ROBO2: variants seen among roughly 807,000 people sequenced by gnomAD.
The protein encoded by ROBO2 is roundabout guidance receptor 2, also known as roundabout homolog 2.
ROBO2 carries 53 observed loss-of-function variants against 160.8 expected under a neutral mutation model. The ratio of observed to expected loss-of-function variants is 0.33; its 90% CI spans 0.26 to 0.41. ROBO2 has a LOEUF of 0.41. Ranked by LOEUF, ROBO2 falls within the 10% of genes least tolerant of loss-of-function variation. The pLI is 1.00. For missense variants in ROBO2, 1,577 were observed against 1,722.4 expected (o/e 0.92, Z 1.49); for synonymous variants, 664 against 611.7 (o/e 1.09, Z -1.26).
In ROBO2 at chr3:77,050,426, G is replaced by A. The variant is rs1158420644; in HGVS notation, c.61+9580G>A. Among the ~76,000 whole-genome samples, 11 of 152,112 alleles carry A rather than the reference G, an allele frequency of 7.2e-5. No individual in the cohort carries two copies. The East Asian group carries it at 1.9e-3, about 27-fold the overall frequency. On this transcript the variant is annotated intron_variant, in intron 1 of 25. Transcript: ENST00000461745. ...CTTACCCCATCTCTATCATGGGTTA[G>A]CGTAGAAACTGAGTAGGAGAAATGT...
chr3:77,321,795 T>C (rs552112512), intron 2 of ROBO2, among the ~76,000 whole-genome samples: 2 of 150,780 alleles, frequency 1.3e-5, no homozygotes, highest in African/African-American at 4.9e-5. Context: ...CCGAGAACTG[T>C]GCAAAGAGAT....
intron 2 of ROBO2, among the ~76,000 whole-genome samples, chr3:76,301,400 C>A (rs1024201583): frequency 2.0e-5 from 3 of 151,972 alleles, no homozygotes; most frequent in Admixed American, 6.6e-5. Flanking sequence ...TCAAAAAAAA[C>A]TGAGAATTAT....
At chr3:77,396,875 A>T (rs976071841) in intron 2 of ROBO2, among the ~76,000 whole-genome samples, 1 of 152,116 alleles carries the variant, frequency 6.6e-6, no homozygotes, top group African/African-American at 2.4e-5. Flanking sequence ...TAAGTAGAAC[A>T]ATTATTGTTT....
At chr3:77,382,345 CCTTTT>C (rs1243924399) in intron 2 of ROBO2, among the ~76,000 whole-genome samples, 4 of 61,544 alleles carry the variant, frequency 6.5e-5, no homozygotes, top group Admixed American at 1.6e-4. Context: ...AAACACATGT[CCTTTT>C]TTTTTTTTTT....
At chr3:77,017,897 C>A (rs961392928) in intron 2 of ROBO2, among the ~76,000 whole-genome samples, 1 of 151,998 alleles carries the variant, frequency 6.6e-6, no homozygotes. Context: ...TGCAATCAGA[C>A]CTTGGCAATG....
At chr3:76,079,142 G>T (rs532792012) in intron 2 of ROBO2, among the ~76,000 whole-genome samples, 3 of 152,248 alleles carry the variant, frequency 2.0e-5, no homozygotes, top group African/African-American at 7.2e-5. Context: ...ATAATAAACT[G>T]GGAAGGGTAG....
chr3:75,944,708 C>G (rs564490095), intron 2 of ROBO2, among the ~76,000 whole-genome samples: 3 of 152,262 alleles, frequency 2.0e-5, no homozygotes, highest in African/African-American at 7.2e-5. Context: ...ATCTACTTAT[C>G]AACTTTAGCA....
intron 2 of ROBO2, among the ~76,000 whole-genome samples, chr3:76,090,747 A>AGAACG (rs762192370): frequency 2.5e-4 from 38 of 152,246 alleles, no homozygotes; most frequent in East Asian, 1.2e-3. Context: ...ACAGACACAT[A>AGAACG]GAACGGAACG....
At chr3:76,451,005 C>T (rs947670790) in intron 2 of ROBO2, among the ~76,000 whole-genome samples, 3 of 152,044 alleles carry the variant, frequency 2.0e-5, no homozygotes, top group East Asian at 1.9e-4. Context: ...CCACAGTGGC[C>T]GCAGACGCCT....
intron 2 of ROBO2, among the ~76,000 whole-genome samples, chr3:77,408,553 G>A (rs1159605837): frequency 9.9e-5 from 15 of 152,088 alleles, no homozygotes; most frequent in Admixed American, 9.8e-4. Flanking sequence ...GAACTTACAT[G>A]GGTAAAATCT....
At chr3:76,827,712 T>G (rs1281632425) in intron 2 of ROBO2, among the ~76,000 whole-genome samples, 1 of 152,126 alleles carries the variant, frequency 6.6e-6, no homozygotes, top group African/African-American at 2.4e-5. Flanking sequence ...CCTCCAAATT[T>G]CTTTATTGCA....
intron 2 of ROBO2, among the ~76,000 whole-genome samples, chr3:77,211,582 G>T (rs2084165849): frequency 6.6e-6 from 1 of 152,124 alleles, no homozygotes; most frequent in East Asian, 1.9e-4. Flanking sequence ...AGTTTAATTA[G>T]ATCCCATTTG....
intron 2 of ROBO2, among the ~76,000 whole-genome samples, chr3:77,179,441 C>T (rs2080483789): frequency 1.3e-5 from 2 of 150,190 alleles, no homozygotes; most frequent in Admixed American, 1.3e-4. Context: ...CATACATATG[C>T]ACTTAACAAG....
chr3:77,503,738 A>AT (rs144088581), intron 5 of ROBO2, among the ~76,000 whole-genome samples: 1,692 of 151,240 alleles, frequency 0.011, 32 homozygotes, highest in African/African-American at 0.039. Context: ...CCCAATAAAT[A>AT]TTTTTTTCAT....
chr3:77,527,853 C>T (rs1012910693), intron 6 of ROBO2, among the ~76,000 whole-genome samples: 1 of 151,350 alleles, frequency 6.6e-6, no homozygotes, highest in Non-Finnish European at 1.5e-5. Flanking sequence ...CTCCGAGTCC[C>T]AGTATTTTAG....
chr3:76,394,621 G>T (rs6782931), intron 2 of ROBO2, among the ~76,000 whole-genome samples: 4,465 of 152,124 alleles, frequency 0.029, 131 homozygotes, highest in African/African-American at 0.079. Flanking sequence ...TTCTCGAGGA[G>T]TATCTTTGTG....
chr3:77,463,085 CA>C (rs1327190989), intron 2 of ROBO2, among the ~76,000 whole-genome samples: 6 of 152,068 alleles, frequency 3.9e-5, no homozygotes, highest in Admixed American at 1.3e-4. Context: ...ATGAGGGGAC[CA>C]TCTTTCATTG....
chr3:76,383,669 C>G (rs934058538), intron 2 of ROBO2, among the ~76,000 whole-genome samples: 6 of 151,658 alleles, frequency 4.0e-5, no homozygotes, highest in African/African-American at 1.5e-4. Flanking sequence ...TGATGTGCCG[C>G]AACTGCCAAC....
chr3:76,895,909 T>G (rs1559667249), intron 2 of ROBO2, among the ~76,000 whole-genome samples: 1 of 152,208 alleles, frequency 6.6e-6, no homozygotes, highest in Admixed American at 6.5e-5. Flanking sequence ...TTGTTTGATC[T>G]TTTCCCTTGG....
Sources: allele counts gnomAD v4.1 joint callset (sites outside exome capture counted in the v4.1 genomes callset), GRCh38; gene constraint gnomAD v4.1.1; transcripts MANE v1.5; gene names NCBI Gene and HGNC (gene_info 2026-07-23, HGNC 2026-07-21).